The following ASTN1 variants were observed in gnomAD, a reference collection of about 807,000 sequenced individuals.
The protein encoded by ASTN1 is astrotactin-1.
ASTN1 carries 41 observed loss-of-function variants against 140.7 expected under a neutral mutation model. That is an observed-to-expected ratio of 0.29 (90% CI 0.23 to 0.38). The LOEUF (loss-of-function observed/expected upper bound fraction) is 0.38. Among genes scored for constraint, ASTN1 ranks in the 10% least tolerant of loss-of-function variants. The pLI is 1.00. For missense variants in ASTN1, 1,479 were observed against 1,678.8 expected, an observed-to-expected ratio of 0.88 and a Z score of 2.08; for synonymous variants, 640 against 652.2, an observed-to-expected ratio of 0.98 and a Z score of 0.29.
chr1:176,925,930 C>T (rs1023381208), intron 16 of ASTN1, among the ~76,000 whole-genome samples: 1 of 151,884 alleles, frequency 6.6e-6, no homozygotes, highest in Non-Finnish European at 1.5e-5. Flanking sequence ...CTCAGCCTCC[C>T]GAGTAGCTGG....
chr1:177,044,472 G>T (rs779924525), intron 2 of ASTN1, among the ~76,000 whole-genome samples: 10 of 152,196 alleles, frequency 6.6e-5, no homozygotes, highest in East Asian at 1.9e-4. Context: ...ACAGCCAAAT[G>T]CTGGTTACTC....
chr1:176,975,908 A>G (rs1288242639), intron 8 of ASTN1: 1 of 152,164 alleles, frequency 6.6e-6, no homozygotes, highest in East Asian at 1.9e-4. Flanking sequence ...ACATGTATAC[A>G]TTCACACCTT....
chr1:176,956,360 C>A (rs1284998606), intron 11 of ASTN1, among the ~76,000 whole-genome samples: 2 of 152,146 alleles, frequency 1.3e-5, no homozygotes, highest in Non-Finnish European at 2.9e-5. Context: ...GGGCTGGGAG[C>A]ACTCCACCCT....
chr1:177,129,385 G>C (rs541752143), intron 1 of ASTN1, among the ~76,000 whole-genome samples: 2 of 152,260 alleles, frequency 1.3e-5, no homozygotes, highest in African/African-American at 4.8e-5. Flanking sequence ...TGAAGAAATA[G>C]GCAGCTTGTA....
At chr1:177,054,735 A>G (rs1167858680) in intron 2 of ASTN1, among the ~76,000 whole-genome samples, 1 of 152,266 alleles carries the variant, frequency 6.6e-6, no homozygotes, top group Non-Finnish European at 1.5e-5. Context: ...GTGAAAAGTC[A>G]GGACAGGTCA....
intron 8 of ASTN1, among the ~76,000 whole-genome samples, chr1:176,969,151 C>T (rs934209700): frequency 6.6e-6 from 1 of 152,146 alleles, no homozygotes; most frequent in African/African-American, 2.4e-5. Flanking sequence ...AAGAAACCCC[C>T]CCGCCTCCCC....
chr1:176,915,902 A>G (rs527764938), intron 16 of ASTN1, among the ~76,000 whole-genome samples: 156 of 152,340 alleles, frequency 1.0e-3, no homozygotes, highest in Admixed American at 2.2e-3. Context: ...AAGAAAACAT[A>G]TGCTTGGAAT....
intron 1 of ASTN1, among the ~76,000 whole-genome samples, chr1:177,134,973 G>A (rs1370026143): frequency 6.6e-6 from 1 of 152,160 alleles, no homozygotes; most frequent in East Asian, 1.9e-4. Context: ...TCAAGTGAAT[G>A]AAGGCACAGG....
chr1:176,930,118 T>C (rs1208409179), intron 16 of ASTN1, among the ~76,000 whole-genome samples: 1 of 152,082 alleles, frequency 6.6e-6, no homozygotes. Context: ...TTTGAAAACC[T>C]TGAAGAAATG....
intron 11 of ASTN1, among the ~76,000 whole-genome samples, chr1:176,953,735 G>T (rs1672290831): frequency 6.6e-6 from 1 of 152,128 alleles, no homozygotes; most frequent in Non-Finnish European, 1.5e-5. Context: ...CAGGGTCACT[G>T]GGTAATTCAA....
At chr1:176,994,292 G>A (rs115593732) in intron 8 of ASTN1, among the ~76,000 whole-genome samples, 326 of 152,044 alleles carry the variant, frequency 2.1e-3, no homozygotes, top group African/African-American at 7.5e-3. Context: ...GCTTCCTAAT[G>A]CAACACCCTG....
At chr1:176,883,489 T>C (rs1304329842) in intron 19 of ASTN1, among the ~76,000 whole-genome samples, 1 of 152,174 alleles carries the variant, frequency 6.6e-6, no homozygotes, top group African/African-American at 2.4e-5. Context: ...GCACAACGCC[T>C]GGCCTGGGCG....
chr1:177,158,093 T>C (rs1683314588), intron 1 of ASTN1, among the ~76,000 whole-genome samples: 1 of 152,216 alleles, frequency 6.6e-6, no homozygotes, highest in Admixed American at 6.5e-5. Flanking sequence ...AAGCTAGAAG[T>C]GGAACTGCAA....
chr1:176,935,858 C>A (rs1479102910), intron 15 of ASTN1, among the ~76,000 whole-genome samples: 2 of 151,938 alleles, frequency 1.3e-5, no homozygotes, highest in Non-Finnish European at 2.9e-5. Context: ...GGTTTTCCGT[C>A]CCCCCTCTTT....
At chr1:176,881,080 C>T (rs12042605) in intron 20 of ASTN1, among the ~76,000 whole-genome samples, 47,703 of 152,102 alleles carry the variant, frequency 0.31, 8,999 homozygotes, top group East Asian at 0.73. Flanking sequence ...GGCTCTGTCC[C>T]TATCCCAAGG....
Position 177,067,753 on chromosome 1 carries a change from C to T in ASTN1, c.284-6488G>A, listed in dbSNP as rs554280077. ...TAAAGACCCCAACTTGTTTCATAAA[C>T]ATAATGACAGGAGCACATTAATGTC... On this transcript the variant is annotated intron_variant, in intron 1 of 22. Coordinates refer to ENST00000361833, the MANE Select transcript of ASTN1 (RefSeq NM_004319.3). Among the ~76,000 whole-genome samples the T allele has an allele frequency of 2.0e-5, 3 of 152,216 alleles. No individual in the cohort carries two copies. In the South Asian group the frequency reaches 6.2e-4, roughly 32 times the overall value.
chr1:176,991,582 C>T (rs368821441), intron 8 of ASTN1, among the ~76,000 whole-genome samples: 47 of 152,254 alleles, frequency 3.1e-4, no homozygotes, highest in African/African-American at 9.1e-4. Flanking sequence ...CCTGATCGCT[C>T]GATAATTCGA....
At chr1:177,024,003 T>A (rs190270431) in intron 6 of ASTN1, among the ~76,000 whole-genome samples, 1 of 152,344 alleles carries the variant, frequency 6.6e-6, no homozygotes, top group East Asian at 1.9e-4. Flanking sequence ...CCCACCTGTT[T>A]CCAGCCTTAC....
chr1:176,958,299 T>G, intron 10 of ASTN1, 46 bp downstream of exon 10: 1 of 1,611,248 alleles, frequency 6.2e-7, no homozygotes, highest in Non-Finnish European at 8.5e-7. Context: ...TTTCTCATTC[T>G]GCTTCCCAAG....
Sources: gnomAD v4.1 joint callset for allele counts (sites outside exome capture counted in the v4.1 genomes callset) on GRCh38, gnomAD v4.1.1 for gene constraint, MANE v1.5 for transcripts, NCBI Gene and HGNC (gene_info 2026-07-23, HGNC 2026-07-21) for gene names.